The following SPECC1 variants were observed in gnomAD, a reference collection of about 807,000 sequenced individuals.
SPECC1 encodes the protein sperm antigen with calponin homology and coiled-coil domains 1, also known as cytospin-B.
SPECC1 carries 62 observed loss-of-function variants against 104.1 expected under a neutral mutation model. The ratio of observed to expected loss-of-function variants is 0.60; its 90% CI spans 0.49 to 0.74. SPECC1 has a LOEUF of 0.74. Ranked by LOEUF, SPECC1 falls within the 30% of genes least tolerant of loss-of-function variation. The pLI is 0.00. For synonymous variants in SPECC1, 513 were observed against 501.6 expected, an observed-to-expected ratio of 1.02 and a Z score of -0.30; for missense variants, 1,306 against 1,310.5, an observed-to-expected ratio of 1.00 and a Z score of 0.05.
At position 20,316,686 on chromosome 17, in the gene SPECC1, TTTG is replaced by T. The variant is rs1446715297; in HGVS notation, c.*2630_*2632del. 2.0e-5 allele frequency: 3 copies of T among 149,682 alleles called. No individual in the cohort carries two copies. The highest frequency in any genetic ancestry group is 3.8e-5 in the African/African-American group (1 of 26,502). 9.3% of individuals were successfully genotyped at this position (149,682 alleles called of 1,614,324 possible). ...AGCCCGGCTGTTTTTTTGTGTTTTT[TTTG>T]TTGTTGTTTGTTTGTTTTTTTTTTT... is the stretch of plus-strand genomic sequence containing the variant. On this transcript the variant is annotated 3_prime_UTR_variant, in exon 15 of 15. Coordinates refer to ENST00000395527, the MANE Select transcript of SPECC1 (RefSeq NM_001243439.2).
At chr17:20,017,757 T>C (rs4924801) in intron 1 of SPECC1, among the ~76,000 whole-genome samples, 76,206 of 152,070 alleles carry the variant, frequency 0.5, 19,550 homozygotes, top group Middle Eastern at 0.56. Flanking sequence ...TTTTATTTCT[T>C]GGTATATCAC....
chr17:20,306,189 A>T lies in SPECC1; in HGVS notation c.3117+107A>T, dbSNP rs2041759131. On this transcript the variant is annotated intron_variant, in intron 14 of 14. Transcript: ENST00000395527. ...AGAACATTGACATCTGTTTGCCGAA[A>T]GTCTGTTGCTCTCAATACCTAATAT... 8 of 1,033,484 alleles carry T rather than the reference A, an allele frequency of 7.7e-6. No homozygotes were observed. In the South Asian group the frequency reaches 9.8e-5, roughly 13 times the overall value. The allele number at this position is 1,033,484 out of a possible 1,614,324, so 64.0% of individuals were successfully genotyped here. A position where few individuals can be genotyped will look rare whatever the true frequency, so the allele number is the denominator to read the frequency against.
At chr17:20,115,584 A>C (rs2048716805) in intron 3 of SPECC1, among the ~76,000 whole-genome samples, 1 of 152,236 alleles carries the variant, frequency 6.6e-6, no homozygotes, top group Non-Finnish European at 1.5e-5. Context: ...AACTAAGTGA[A>C]TTTATGCCAC....
intron 3 of SPECC1, among the ~76,000 whole-genome samples, chr17:20,186,729 G>GT (rs1339427896): frequency 1.5e-4 from 22 of 151,672 alleles, no homozygotes; most frequent in East Asian, 1.9e-4. Context: ...CCACACCTGG[G>GT]TTTTTTTTGT....
chr17:20,090,960 A>T (rs1395501480), intron 1 of SPECC1, among the ~76,000 whole-genome samples: 1 of 151,962 alleles, frequency 6.6e-6, no homozygotes, highest in East Asian at 1.9e-4. Context: ...CCTATTCTTT[A>T]TGGGTCTTCA....
intron 7 of SPECC1, chr17:20,236,766 A>G (rs1012565258): frequency 1.3e-6 from 2 of 1,513,912 alleles, no homozygotes; most frequent in African/African-American, 1.4e-5. Context: ...CCTGTGGGAC[A>G]GTGTAAGCTG....
intron 13 of SPECC1, 153 bp from the exon 14 acceptor site, chr17:20,305,870 C>A: frequency 9.4e-6 from 5 of 532,710 alleles, no homozygotes; most frequent in East Asian, 3.4e-5. Context: ...TTTTTTTTTT[C>A]TTAAACTGAG....
At position 20,307,120 on chromosome 17, in the gene SPECC1, AAAAT is replaced by A. The variant is rs1261506717; in HGVS notation, c.3117+1044_3117+1047del. On this transcript the variant is annotated intron_variant, in intron 14 of 14. Transcript: ENST00000395527. ...GCAGAAGAGAGAAATACTAAATTGG[AAAAT>A]AAATACAGGGAGATCACCCAAAATA... Among the ~76,000 whole-genome samples the A allele has an allele frequency of 3.3e-5, 5 of 152,338 alleles. No homozygotes were observed. In the East Asian group the frequency reaches 9.6e-4, roughly 29 times the overall value.
chr17:20,238,434 T>A, intron 7 of SPECC1: 1 of 1,042,574 alleles, frequency 9.6e-7, no homozygotes, highest in Non-Finnish European at 1.2e-6. Context: ...AGGAACTGGT[T>A]CACAGTGTAC....
chr17:20,248,063 A>G lies in SPECC1; in HGVS notation c.2598+744A>G, dbSNP rs182103804. ...GATCTAGGATCAGCCTGGTGACTAC[A>G]CTGCCACAGGTGCAGTCCATGCCAG... On this transcript the variant is annotated intron_variant, in intron 9 of 14. Transcript: ENST00000395527. 2.0e-5 allele frequency among the ~76,000 whole-genome samples: 3 copies of G among 152,302 alleles called. No individual in the cohort carries two copies. In the East Asian group the frequency reaches 5.8e-4, roughly 29 times the overall value.
chr17:20,156,582 G>A (rs1485427720), intron 3 of SPECC1, among the ~76,000 whole-genome samples: 1 of 152,132 alleles, frequency 6.6e-6, no homozygotes, highest in East Asian at 1.9e-4. Context: ...GGGCGTTTGC[G>A]GGGAGGGCGT....
At chr17:20,155,941 T>G in intron 3 of SPECC1, 2 of 1,228,810 alleles carry the variant, frequency 1.6e-6, no homozygotes, top group Non-Finnish European at 1.0e-6. Context: ...GCAGTTGAGG[T>G]GGTCCGGCAG....
chr17:20,086,102 C>CTG (rs2047166800), intron 1 of SPECC1, among the ~76,000 whole-genome samples: 1 of 152,212 alleles, frequency 6.6e-6, no homozygotes, highest in South Asian at 2.1e-4. Flanking sequence ...GTCCATGACA[C>CTG]TGAAGGCCTC....
chr17:20,313,174 G>A (rs1488516421), intron 14 of SPECC1, among the ~76,000 whole-genome samples: 1 of 151,860 alleles, frequency 6.6e-6, no homozygotes, highest in African/African-American at 2.4e-5. Flanking sequence ...CTTGCAAAAT[G>A]AACAAAAATA....
chr17:20,198,723 CA>C (rs1304245337), intron 3 of SPECC1, among the ~76,000 whole-genome samples: 2 of 152,182 alleles, frequency 1.3e-5, no homozygotes, highest in Admixed American at 1.3e-4. Flanking sequence ...TTAAGAGGGG[CA>C]CTTTGTCCTC....
At position 20,247,257 on chromosome 17, in the gene SPECC1, A is replaced by T; in HGVS notation, c.2536A>T (p.Arg846Ter). The change falls in exon 9 of 15, where the codon AGA (arginine) becomes TGA (stop). Residue 846 changes from arginine (R) to a stop codon, truncating the protein, a stop_gained. Transcript: ENST00000395527. LOFTEE classifies it high-confidence loss of function. The part of the protein sequence containing the change: ...GQNISVHKTP[R>*]SPLSGIPVRT... ...GAATATTTCTGTCCATAAGACCCCC[A>T]GAAGTCCCCTAAGTGGGATACCAGT... 1 of 1,613,772 alleles carries T rather than the reference A, an allele frequency of 6.2e-7. No homozygotes were observed. Among genetic ancestry groups the T allele is most frequent in the East Asian group, 2.2e-5 (1 of 44,878 alleles).
chr17:20,071,527 A>G (rs1252005314), intron 1 of SPECC1, among the ~76,000 whole-genome samples: 1 of 152,184 alleles, frequency 6.6e-6, no homozygotes, highest in Non-Finnish European at 1.5e-5. Context: ...TAATCTGATT[A>G]GAATTTTTAT....
At chr17:20,238,821 G>A (rs1338708137) in intron 7 of SPECC1, 6 of 1,044,498 alleles carry the variant, frequency 5.7e-6, no homozygotes, top group Non-Finnish European at 5.8e-6. Flanking sequence ...TTGACCTGTC[G>A]TTAGGTACTG....
chr17:20,174,709 G>A (rs192403882), intron 3 of SPECC1, among the ~76,000 whole-genome samples: 23 of 152,100 alleles, frequency 1.5e-4, no homozygotes, highest in Admixed American at 1.2e-3. Context: ...AACACTCACC[G>A]AGTATTTTCT....
Sources: gnomAD v4.1 joint callset for allele counts (sites outside exome capture counted in the v4.1 genomes callset) on GRCh38, gnomAD v4.1.1 for gene constraint, MANE v1.5 for transcripts, NCBI Gene and HGNC (gene_info 2026-07-23, HGNC 2026-07-21) for gene names.